TNNI3K: variants seen among roughly 807,000 people sequenced by gnomAD.
TNNI3K encodes TNNI3 interacting kinase, also known as serine/threonine-protein kinase TNNI3K.
In TNNI3K, 140 loss-of-function variants were observed where a neutral mutation model predicts 114.5. The observed-to-expected ratio is 1.22, with a 90% CI of 1.07 to 1.41. The LOEUF is 1.41. Among genes scored for constraint, TNNI3K ranks in the 40% most tolerant of loss-of-function variants. TNNI3K has a pLI of 0.00. For synonymous variants in TNNI3K, 347 were observed against 347.5 expected, an observed-to-expected ratio of 1.00 and a Z score of 0.02; for missense variants, 1,125 against 1,007.6, an observed-to-expected ratio of 1.12 and a Z score of -1.58.
chr1:74,297,033 C>G (rs551504003), intron 5 of TNNI3K, among the ~76,000 whole-genome samples: 2 of 152,270 alleles, frequency 1.3e-5, no homozygotes, highest in Admixed American at 1.3e-4. Flanking sequence ...CAGGCATTAT[C>G]TCTTAAAATA....
chr1:74,285,116 C>T (rs906313670), intron 5 of TNNI3K, among the ~76,000 whole-genome samples: 1 of 152,212 alleles, frequency 6.6e-6, no homozygotes, highest in Non-Finnish European at 1.5e-5. Flanking sequence ...TGCTCCTGGA[C>T]TTCCTACAAT....
At position 74,436,055 on chromosome 1, in the gene TNNI3K, C is replaced by CTTT. The variant is rs67642732; in HGVS notation, c.1773-7_1773-5dup. 4.5e-4 allele frequency: 643 copies of CTTT among 1,440,822 alleles called. 2 individuals carry two copies. The highest frequency in any genetic ancestry group is 2.5e-3 in the African/African-American group (152 of 61,640). 89.3% of individuals were successfully genotyped at this position (1,440,822 alleles called of 1,614,324 possible). A position where few individuals can be genotyped will look rare whatever the true frequency, so the allele number is the denominator to read the frequency against. On this transcript the variant is annotated intron_variant, in intron 17 of 24. Transcript: ENST00000326637. ...CATAGCAAAGCTTACTCAATGTCTA[C>CTTT]TTTTTTTTTTTTTTTTTTTTACAGT...
intron 2 of TNNI3K, among the ~76,000 whole-genome samples, chr1:74,238,586 C>T (rs1654001149): frequency 6.6e-6 from 1 of 151,936 alleles, no homozygotes; most frequent in Admixed American, 6.6e-5. Context: ...AAAGTATTAG[C>T]ACAATTTAGG....
intron 17 of TNNI3K, chr1:74,372,094 A>G (rs958269753): frequency 2.1e-3 from 11 of 5,282 alleles, no homozygotes; most frequent in African/African-American, 4.7e-3. Context: ...GTTTTTAAGA[A>G]AAAAAAAAAA....
intron 21 of TNNI3K, chr1:74,480,977 A>G (rs1206455506): frequency 3.4e-5 from 24 of 701,076 alleles, no homozygotes; most frequent in Admixed American, 2.8e-4. Context: ...TGCTGTGGGG[A>G]AAAAAGCACA....
At chr1:74,332,132 T>A (rs1660234615) in intron 6 of TNNI3K, among the ~76,000 whole-genome samples, 1 of 152,162 alleles carries the variant, frequency 6.6e-6, no homozygotes, top group Non-Finnish European at 1.5e-5. Flanking sequence ...AACTTTAAAG[T>A]TTTTAACATA....
intron 9 of TNNI3K, among the ~76,000 whole-genome samples, chr1:74,344,615 G>A (rs749055412): frequency 6.6e-6 from 1 of 152,050 alleles, no homozygotes; most frequent in Non-Finnish European, 1.5e-5. Context: ...TTCTCTTTCC[G>A]TTTAGGTCAT....
chr1:74,283,586 T>C (rs962680373), intron 5 of TNNI3K, among the ~76,000 whole-genome samples: 1 of 152,184 alleles, frequency 6.6e-6, no homozygotes, highest in African/African-American at 2.4e-5. Flanking sequence ...TTCATCAGCT[T>C]GCTGCCCTGG....
Position 74,343,157 on chromosome 1 carries a change from T to C in TNNI3K, c.910T>C (p.Phe304Leu). The C allele has an allele frequency of 6.2e-7, 1 of 1,612,486 alleles. No homozygotes were observed. The change falls in exon 9 of 25, where the codon TTC becomes CTC. Residue 304 changes from phenylalanine (F) to leucine (L), a missense_variant. Physicochemically the swap from Phe to Leu is conservative, Grantham distance 22. Transcript: ENST00000326637. The part of the protein sequence containing the change: ...GTESLTKENI[F>L]SETAFHSACT... Reference sequence around the variant, plus strand: ...AGAAAGTCTGACTAAGGAAAACATCTTCAGTGAAACAGCTTTTCATAGGTA... The same window carrying C: ...AGAAAGTCTGACTAAGGAAAACATCCTCAGTGAAACAGCTTTTCATAGGTA...
At chr1:74,276,823 T>TA (rs2100235669) in intron 5 of TNNI3K, among the ~76,000 whole-genome samples, 1 of 152,260 alleles carries the variant, frequency 6.6e-6, no homozygotes, top group African/African-American at 2.4e-5. Context: ...TTACATTGAC[T>TA]AGGCAGCTGT....
intron 4 of TNNI3K, among the ~76,000 whole-genome samples, chr1:74,254,950 T>C (rs1047320220): frequency 8.5e-5 from 13 of 152,150 alleles, no homozygotes; most frequent in African/African-American, 3.1e-4. Flanking sequence ...AATTGCTATA[T>C]TTTGCAAGAA....
At chr1:74,447,190 A>G (rs1005081461) in intron 20 of TNNI3K, among the ~76,000 whole-genome samples, 1 of 150,918 alleles carries the variant, frequency 6.6e-6, no homozygotes, top group African/African-American at 2.5e-5. Context: ...ATGTTCTTCC[A>G]TTTGTTTGTA....
At position 74,397,171 on chromosome 1, in the gene TNNI3K, C is replaced by T. The variant is rs188620375; in HGVS notation, c.1772+26779C>T. On this transcript the variant is annotated intron_variant, in intron 17 of 24. Coordinates refer to ENST00000326637, the MANE Select transcript of TNNI3K (RefSeq NM_015978.3). ...CACAGAGAGAGAAAGAGGAAGAAACCGAGTATGAGGGAGAAAGGAAACATG... is the reference window on the plus strand; with the variant it reads ...CACAGAGAGAGAAAGAGGAAGAAACTGAGTATGAGGGAGAAAGGAAACATG... 8.7e-5 allele frequency among the ~76,000 whole-genome samples: 13 copies of T among 149,384 alleles called. No homozygotes were observed. In the East Asian group the frequency reaches 2.6e-3, roughly 30 times the overall value.
rs1341091107 is a variant in TNNI3K at position 74,531,882 on chromosome 1, A to G, written c.2352-8352A>G. On this transcript the variant is annotated intron_variant, in intron 23 of 24. Coordinates refer to ENST00000326637, the MANE Select transcript of TNNI3K (RefSeq NM_015978.3). ...TTGTTATGACAGACGGCAATAAACC[A>G]CAAAACATGTTTGCAAACTTGTGAG... Among the ~76,000 whole-genome samples the G allele has an allele frequency of 2.6e-5, 4 of 152,330 alleles. No individual in the cohort carries two copies. In the East Asian group the frequency reaches 5.8e-4, roughly 22 times the overall value.
At chr1:74,535,436 A>G (rs1374277151) in intron 23 of TNNI3K, among the ~76,000 whole-genome samples, 1 of 152,100 alleles carries the variant, frequency 6.6e-6, no homozygotes, top group Non-Finnish European at 1.5e-5. Flanking sequence ...CATCACTGCA[A>G]TCCAGCCTGG....
At chr1:74,314,508 GA>G in intron 5 of TNNI3K, among the ~76,000 whole-genome samples, 1 of 152,088 alleles carries the variant, frequency 6.6e-6, no homozygotes, top group Admixed American at 6.5e-5. Context: ...AGATCTCAAT[GA>G]AAAAAATGAA....
At chr1:74,515,637 G>A (rs1055911569) in intron 23 of TNNI3K, among the ~76,000 whole-genome samples, 24 of 152,152 alleles carry the variant, frequency 1.6e-4, no homozygotes, top group African/African-American at 5.6e-4. Context: ...GCTGACATCC[G>A]ATGTAGTCAA....
intron 11 of TNNI3K, among the ~76,000 whole-genome samples, chr1:74,358,903 ACATTCATTGAG>A (rs1661803161): frequency 6.6e-6 from 1 of 152,032 alleles, no homozygotes; most frequent in Non-Finnish European, 1.5e-5. Context: ...AAGAGAACTT[ACATTCATTGAG>A]TATCTTTTAC....
chr1:74,254,953 T>C (rs887392276), intron 4 of TNNI3K, among the ~76,000 whole-genome samples: 2 of 152,180 alleles, frequency 1.3e-5, no homozygotes, highest in Non-Finnish European at 1.5e-5. Flanking sequence ...TGCTATATTT[T>C]GCAAGAATCG....
Sources: allele counts gnomAD v4.1 joint callset (sites outside exome capture counted in the v4.1 genomes callset), GRCh38; gene constraint gnomAD v4.1.1; transcripts MANE v1.5; gene names NCBI Gene and HGNC (gene_info 2026-07-23, HGNC 2026-07-21).